Variants in CFAP47 observed in about 807,000 individuals in gnomAD.
CFAP47 encodes the protein cilia and flagella associated protein 47.
In CFAP47, 29 loss-of-function variants were observed where a neutral mutation model predicts 148.1. The ratio of observed to expected loss-of-function variants is 0.20; its 90% CI spans 0.15 to 0.27. CFAP47 has a LOEUF of 0.27. Ranked by LOEUF, CFAP47 falls within the 10% of genes least tolerant of loss-of-function variation. The pLI is 1.00. For missense variants in CFAP47, 1,872 were observed against 1,697.5 expected, an observed-to-expected ratio of 1.10 and a Z score of -1.81; for synonymous variants, 664 against 577.3, an observed-to-expected ratio of 1.15 and a Z score of -2.15.
chrX:36,114,563 G>T (rs1383618977), intron 33 of CFAP47, among the ~76,000 whole-genome samples: 1 of 111,302 alleles, frequency 9.0e-6, no homozygotes, highest in Non-Finnish European at 1.9e-5. Flanking sequence ...GAGTTTGATT[G>T]TGGTATAAGG....
Position 36,104,650 on chromosome X carries a change from A to T in CFAP47, c.5279A>T (p.Tyr1760Phe). ...RILLSWMNIN[Y>F]ENTRHVIWKN... ...TTGCTTAGTTGGATGAACATAAATT[A>T]TGAGAATACTCGACATGTGATATGG... Residue 1760 changes from tyrosine (Y) to phenylalanine (F), a missense_variant, in exon 33 of 64, where the codon TAT (tyrosine) becomes TTT (phenylalanine). Transcript: ENST00000378653. 1.1e-6 allele frequency: 1 copy of T among 925,122 alleles called. No individual in the cohort carries two copies. The highest frequency in any genetic ancestry group is 1.5e-6 in the Non-Finnish European group (1 of 647,424). 76.2% of individuals were successfully genotyped at this position (925,122 alleles called of 1,213,427 possible). A position where few individuals can be genotyped will look rare whatever the true frequency, so the allele number is the denominator to read the frequency against.
intron 33 of CFAP47, among the ~76,000 whole-genome samples, chrX:36,135,183 C>T (rs1277267327): frequency 1.8e-5 from 2 of 110,409 alleles, no homozygotes; most frequent in Non-Finnish European, 3.8e-5. Flanking sequence ...CAACTGGGTT[C>T]GGTGAATACT....
chrX:36,052,188 T>C (rs146607229), intron 26 of CFAP47, among the ~76,000 whole-genome samples: 170 of 112,251 alleles, frequency 1.5e-3, no homozygotes, highest in African/African-American at 5.1e-3. Flanking sequence ...TATGAATTTA[T>C]TGGCACAGAA....
At chrX:36,308,460 C>T (rs1194241205) in intron 55 of CFAP47, among the ~76,000 whole-genome samples, 2 of 111,534 alleles carry the variant, frequency 1.8e-5, no homozygotes, top group Non-Finnish European at 3.8e-5. Context: ...AGTTCTTCCT[C>T]TTTTATTTAA....
chrX:36,177,308 A>G (rs1939696336), intron 39 of CFAP47, among the ~76,000 whole-genome samples: 1 of 112,219 alleles, frequency 8.9e-6, no homozygotes, highest in African/African-American at 3.2e-5. Context: ...TGGGCTAGTC[A>G]TTTTATTTGT....
chrX:36,261,551 G>A (rs1449203725), intron 49 of CFAP47, among the ~76,000 whole-genome samples: 1 of 106,645 alleles, frequency 9.4e-6, no homozygotes, highest in African/African-American at 3.5e-5. Flanking sequence ...CTGCCTTCAA[G>A]CATCTGTTTA....
At chrX:36,164,715 A>C (rs1217711721) in intron 39 of CFAP47, among the ~76,000 whole-genome samples, 1 of 111,681 alleles carries the variant, frequency 9.0e-6, no homozygotes, top group Non-Finnish European at 1.9e-5. Flanking sequence ...TCATTACCAT[A>C]ATCAAAGGAA....
chrX:35,969,481 C>T (rs1228807286), intron 10 of CFAP47, among the ~76,000 whole-genome samples: 1 of 111,171 alleles, frequency 9.0e-6, no homozygotes, highest in Non-Finnish European at 1.9e-5. Context: ...TTTTTGTCCC[C>T]TGTTCTTTGC....
chrX:36,376,602 C>T (rs1602137259), intron 62 of CFAP47, among the ~76,000 whole-genome samples: 2 of 112,114 alleles, frequency 1.8e-5, no homozygotes, highest in East Asian at 5.6e-4. Context: ...AATTTTCCTA[C>T]TGGCTTCAAT....
intron 27 of CFAP47, among the ~76,000 whole-genome samples, chrX:36,066,297 G>A (rs755148452): frequency 1.8e-5 from 1 of 56,587 alleles, no homozygotes; most frequent in East Asian, 4.9e-4. Context: ...TGTGTAGATC[G>A]TCAAGGTCTT....
At chrX:35,979,437 A>G (rs1368641624) in intron 15 of CFAP47, among the ~76,000 whole-genome samples, 2 of 109,240 alleles carry the variant, frequency 1.8e-5, no homozygotes, top group African/African-American at 3.3e-5. Flanking sequence ...TTTTTGATCA[A>G]TTCACTCCCA....
chrX:35,945,396 A>G (rs983146014), intron 3 of CFAP47, among the ~76,000 whole-genome samples: 2 of 111,407 alleles, frequency 1.8e-5, no homozygotes, highest in Non-Finnish European at 3.8e-5. Context: ...TCTTCAGTCA[A>G]GGTACTCTCC....
At chrX:36,119,495 C>A (rs1247043090) in intron 33 of CFAP47, among the ~76,000 whole-genome samples, 1 of 111,401 alleles carries the variant, frequency 9.0e-6, no homozygotes, top group African/African-American at 3.3e-5. Context: ...CATCAATATT[C>A]ATGAGATTTA....
intron 7 of CFAP47, among the ~76,000 whole-genome samples, chrX:35,954,693 C>A (rs187120331): frequency 1.5e-4 from 17 of 112,137 alleles, no homozygotes; most frequent in Non-Finnish European, 3.2e-4. Flanking sequence ...TCTAGTTACA[C>A]TGCTCTCTCT....
rs782054476 is a variant in CFAP47, at chrX:36,267,580, G to A, written c.7445-12907G>A. 1.4e-4 allele frequency among the ~76,000 whole-genome samples: 15 copies of A among 105,723 alleles called. No homozygotes were observed. The South Asian group carries it at 5.9e-3, about 41-fold the overall frequency. 91.8% of individuals were successfully genotyped at this position (105,723 alleles called of 115,157 possible). ...TGCAAGCTCCGCCTCCTGGGTTCAC[G>A]CCATTCTCCTGCCTCAGCCTCGTGA... On this transcript the variant is annotated intron_variant, in intron 49 of 63. Transcript: ENST00000378653.
chrX:36,210,471 T>C (rs1471983329), intron 45 of CFAP47, among the ~76,000 whole-genome samples: 1 of 112,420 alleles, frequency 8.9e-6, no homozygotes, highest in Non-Finnish European at 1.9e-5. Flanking sequence ...TTGAGCACCT[T>C]TCCATGTGCT....
At chrX:36,233,160 T>C (rs1216964211) in intron 46 of CFAP47, among the ~76,000 whole-genome samples, 5 of 111,408 alleles carry the variant, frequency 4.5e-5, no homozygotes, top group African/African-American at 1.6e-4. Context: ...GTTCAAGTCC[T>C]GGATATCCTT....
At chrX:36,375,097 A>G (rs1230399652) in intron 62 of CFAP47, 1 of 385,889 alleles carries the variant, frequency 2.6e-6, no homozygotes, top group Non-Finnish European at 4.8e-6. Flanking sequence ...ACTTTGGAGC[A>G]TGACCTAATA....
At chrX:36,234,326 T>G in intron 46 of CFAP47, among the ~76,000 whole-genome samples, 1 of 111,337 alleles carries the variant, frequency 9.0e-6, no homozygotes, top group Middle Eastern at 4.6e-3. Context: ...TTTTATTCTT[T>G]TTTCTCTAAA....
Sources: gnomAD v4.1 joint callset for allele counts (sites outside exome capture counted in the v4.1 genomes callset) on GRCh38, gnomAD v4.1.1 for gene constraint, MANE v1.5 for transcripts, NCBI Gene and HGNC (gene_info 2026-07-23, HGNC 2026-07-21) for gene names.